CKMT2: variants seen among roughly 807,000 people sequenced by gnomAD.
The protein encoded by CKMT2 is creatine kinase S-type, mitochondrial.
A neutral mutation model predicts 48.9 loss-of-function variants in CKMT2; 43 were observed. The ratio of observed to expected loss-of-function variants is 0.88; its 90% CI spans 0.69 to 1.13. CKMT2 has a LOEUF of 1.13. CKMT2 is among the 50% of genes most tolerant of loss of function. The probability of loss-of-function intolerance (pLI) is 0.00; values close to 1 mark genes in which losing one functional copy is unlikely to be tolerated. For synonymous variants in CKMT2, 206 were observed against 213.0 expected (o/e 0.97, Z 0.29); for missense variants, 472 against 555.4 (o/e 0.85, Z 1.51).
rs141987643 is a variant in CKMT2 at position 81,255,080 on chromosome 5, G to T, written c.535G>T (p.Ala179Ser). The T allele has an allele frequency of 1.2e-6, 2 of 1,613,940 alleles. No individual in the cohort carries two copies. Among genetic ancestry groups the T allele is most frequent in the African/African-American group, 2.7e-5 (2 of 74,944 alleles). ...RSIRGLSLPP[A>S]CTRAERREVE... ...CATCCGTGGGCTGAGCCTGCCTCCAGCCTGCACCCGGGCCGAGCGAAGGGA... is the reference window on the plus strand; with the variant it reads ...CATCCGTGGGCTGAGCCTGCCTCCATCCTGCACCCGGGCCGAGCGAAGGGA... The change falls in exon 5 of 10, where the codon GCC becomes TCC. Residue 179 changes from alanine to serine, a missense_variant. Transcript: ENST00000254035.
intron 1 of CKMT2, among the ~76,000 whole-genome samples, chr5:81,245,666 C>T (rs1030934948): frequency 1.3e-5 from 2 of 152,178 alleles, no homozygotes; most frequent in African/African-American, 2.4e-5. Context: ...CAGGCCTTCA[C>T]TATAGGTCTT....
chr5:81,239,693 G>A (rs1172636504), intron 1 of CKMT2, among the ~76,000 whole-genome samples: 1 of 152,136 alleles, frequency 6.6e-6, no homozygotes, highest in Non-Finnish European at 1.5e-5. Flanking sequence ...TGAATGGTCT[G>A]TCCCATAGCC....
chr5:81,236,549 G>C (rs1460159902), intron 1 of CKMT2, among the ~76,000 whole-genome samples: 1 of 152,184 alleles, frequency 6.6e-6, no homozygotes, highest in African/African-American at 2.4e-5. Context: ...CATGATAGGA[G>C]CTCATAAATG....
chr5:81,255,473 G>T (rs148096093), intron 5 of CKMT2, among the ~76,000 whole-genome samples: 3 of 152,338 alleles, frequency 2.0e-5, no homozygotes, highest in East Asian at 3.9e-4. Flanking sequence ...TGGTGCCTGC[G>T]GTTAGGAGGG....
chr5:81,259,398 C>A, intron 8 of CKMT2, 144 bp downstream of exon 8: 1 of 683,520 alleles, frequency 1.5e-6, no homozygotes, highest in Non-Finnish European at 2.2e-6. Flanking sequence ...ATTAAGTTTG[C>A]CTCCAAAGAC....
intron 1 of CKMT2, among the ~76,000 whole-genome samples, chr5:81,239,614 C>A (rs186136473): frequency 4.6e-5 from 7 of 152,170 alleles, no homozygotes; most frequent in African/African-American, 1.7e-4. Context: ...AGTCCCAGGG[C>A]AGGTGGAGGC....
chr5:81,243,708 T>A (rs80350153), intron 1 of CKMT2, among the ~76,000 whole-genome samples: 2 of 152,094 alleles, frequency 1.3e-5, no homozygotes, highest in African/African-American at 4.8e-5. Context: ...TTTTTTTTTT[T>A]TGAGTCAAGT....
At chr5:81,260,076 C>T (rs566142534) in intron 8 of CKMT2, among the ~76,000 whole-genome samples, 1 of 152,110 alleles carries the variant, frequency 6.6e-6, no homozygotes, top group African/African-American at 2.4e-5. Context: ...CACTCAAAAC[C>T]GCACGAATAC....
At position 81,255,046 on chromosome 5, in the gene CKMT2, T is replaced by C. The variant is rs1189929484; in HGVS notation, c.501T>C (p.Thr167=). The C allele has an allele frequency of 3.1e-6, 5 of 1,613,828 alleles. No homozygotes were observed. Among genetic ancestry groups the C allele is most frequent in the Middle Eastern group, 1.7e-4 (1 of 6,058 alleles). ...EHYVLSSRVR[T]GRSIRGLSLP... is the part of the protein sequence containing the mutation. ...ACGTGCTGTCTTCTCGGGTGCGCAC[T>C]GGCCGCAGCATCCGTGGGCTGAGCC... Residue 167 remains threonine (T), a synonymous_variant, in exon 5 of 10, where the codon ACT becomes ACC. Coordinates refer to ENST00000254035, the MANE Select transcript of CKMT2 (RefSeq NM_001099735.2).
chr5:81,250,420 T>A (rs1756765113), intron 1 of CKMT2, among the ~76,000 whole-genome samples: 1 of 152,238 alleles, frequency 6.6e-6, no homozygotes. Flanking sequence ...TTCTGTTGAC[T>A]CTCATTCATT....
At position 81,266,366 on chromosome 5, in the gene CKMT2, G is replaced by A. The variant is rs1236672690; in HGVS notation, c.*108G>A. The A allele has an allele frequency of 9.4e-7, 1 of 1,066,174 alleles. No individual in the cohort carries two copies. Among genetic ancestry groups the A allele is most frequent in the African/African-American group, 1.6e-5 (1 of 62,838 alleles). 66.0% of individuals were successfully genotyped at this position (1,066,174 alleles called of 1,614,324 possible). ...GGAAAAATATAAAATTGTAGATCCT[G>A]CCTATCTTTACAATAAAACTCTCCT... On this transcript the variant is annotated 3_prime_UTR_variant, in exon 10 of 10. Transcript: ENST00000254035.
At position 81,254,552 on chromosome 5, in the gene CKMT2, G is replaced by T. The variant is rs941759664; in HGVS notation, c.447+61G>T. 5.5e-6 allele frequency: 8 copies of T among 1,452,044 alleles called. No homozygotes were observed. The East Asian group carries it at 1.8e-4, about 33-fold the overall frequency. 89.9% of individuals were successfully genotyped at this position (1,452,044 alleles called of 1,614,324 possible). ...TGGCACTCCTGAGCCCAAGGGGAAG[G>T]CCCCTGGAGAGAGGGGTTCCCCGCT... On this transcript the variant is annotated intron_variant, in intron 4 of 9. Coordinates refer to ENST00000254035, the MANE Select transcript of CKMT2 (RefSeq NM_001099735.2).
chr5:81,250,231 A>G (rs1046975686), intron 1 of CKMT2, among the ~76,000 whole-genome samples: 3 of 152,132 alleles, frequency 2.0e-5, no homozygotes, highest in African/African-American at 4.8e-5. Context: ...GCTGTGTCAT[A>G]ATGAGTGGTT....
intron 1 of CKMT2, among the ~76,000 whole-genome samples, chr5:81,240,040 CCT>C (rs752279594): frequency 6.5e-4 from 99 of 152,206 alleles, no homozygotes; most frequent in Non-Finnish European, 6.3e-4. Context: ...CTCCTCACCC[CCT>C]CTTTCCCCTC....
chr5:81,237,775 T>C (rs1756292754), intron 1 of CKMT2: 1 of 152,210 alleles, frequency 6.6e-6, no homozygotes, highest in South Asian at 2.1e-4. Context: ...ACATCATTGT[T>C]ACAAATTGCA....
chr5:81,236,890 C>G (rs370798164), intron 1 of CKMT2, among the ~76,000 whole-genome samples: 65 of 152,318 alleles, frequency 4.3e-4, no homozygotes, highest in Admixed American at 3.1e-3. Flanking sequence ...TGGTTCACAC[C>G]TCTAATCCCA....
chr5:81,263,480 C>T lies in CKMT2; in HGVS notation c.1015-11C>T, dbSNP rs1240964449. ...CTCTTAGCACATTTAAGTATTATCC[C>T]TTTGTCCTAGGACCCACGCTTTTCT... is the stretch of plus-strand genomic sequence containing the variant. On this transcript the variant is annotated splice_polypyrimidine_tract_variant and intron_variant, in intron 8 of 9. Transcript: ENST00000254035. 1.3e-6 allele frequency: 2 copies of T among 1,593,340 alleles called. No individual in the cohort carries two copies.
chr5:81,252,403 A>AG, intron 2 of CKMT2: 1 of 431,440 alleles, frequency 2.3e-6, no homozygotes, highest in South Asian at 2.2e-5. Flanking sequence ...TACACACTCC[A>AG]GGGTAAGACA....
At chr5:81,243,458 C>A (rs2112788706) in intron 1 of CKMT2, among the ~76,000 whole-genome samples, 1 of 152,150 alleles carries the variant, frequency 6.6e-6, no homozygotes, top group African/African-American at 2.4e-5. Flanking sequence ...GTTGCATTAG[C>A]ACAAAATAGA....
Sources: gnomAD v4.1 joint callset for allele counts (sites outside exome capture counted in the v4.1 genomes callset) on GRCh38, gnomAD v4.1.1 for gene constraint, MANE v1.5 for transcripts, NCBI Gene and HGNC (gene_info 2026-07-23, HGNC 2026-07-21) for gene names.